The following KLHL1 variants were observed in gnomAD, a reference collection of about 807,000 sequenced individuals.
KLHL1 encodes the protein kelch like family member 1, also known as kelch-like protein 1.
KLHL1 carries 47 observed loss-of-function variants against 77.7 expected under a neutral mutation model. The observed-to-expected ratio is 0.60, with a 90% CI of 0.48 to 0.77. The LOEUF (loss-of-function observed/expected upper bound fraction) is 0.77, where lower values mean the gene tolerates loss of function less well. KLHL1 is among the 30% of genes least tolerant of loss of function. KLHL1 has a pLI of 0.00. For synonymous variants in KLHL1, 360 were observed against 325.2 expected, an observed-to-expected ratio of 1.11 and a Z score of -1.15; for missense variants, 925 against 910.8, an observed-to-expected ratio of 1.02 and a Z score of -0.20.
chr13:69,893,232 T>A (rs1212209859), intron 4 of KLHL1, among the ~76,000 whole-genome samples: 1 of 150,640 alleles, frequency 6.6e-6, no homozygotes, highest in East Asian at 1.9e-4. Context: ...ATAAATTTTT[T>A]TTTTTTTTTT....
At chr13:69,994,010 T>C (rs147802719) in intron 1 of KLHL1, among the ~76,000 whole-genome samples, 352 of 152,154 alleles carry the variant, frequency 2.3e-3, no homozygotes, top group African/African-American at 8.0e-3. Context: ...TTAGCAACAA[T>C]GGAAGTTATA....
At chr13:70,055,187 A>G (rs1886715361) in intron 1 of KLHL1, among the ~76,000 whole-genome samples, 1 of 152,104 alleles carries the variant, frequency 6.6e-6, no homozygotes, top group South Asian at 2.1e-4. Context: ...AAAGGGAGGA[A>G]ACATAAAAAG....
At chr13:69,721,481 T>C (rs1426001109) in intron 8 of KLHL1, among the ~76,000 whole-genome samples, 3 of 151,838 alleles carry the variant, frequency 2.0e-5, no homozygotes, top group Non-Finnish European at 4.4e-5. Flanking sequence ...CTCAGATATT[T>C]TGGGTTCGCA....
At chr13:70,020,569 C>T (rs1425509257) in intron 1 of KLHL1, among the ~76,000 whole-genome samples, 3 of 151,988 alleles carry the variant, frequency 2.0e-5, no homozygotes, top group Non-Finnish European at 4.4e-5. Flanking sequence ...TATCATTGGC[C>T]AACTGGGCTG....
At chr13:69,823,885 T>C (rs1041858156) in intron 6 of KLHL1, among the ~76,000 whole-genome samples, 8 of 151,960 alleles carry the variant, frequency 5.3e-5, no homozygotes, top group African/African-American at 4.8e-5. Context: ...TCCAGTGTAA[T>C]AGAGTAAATT....
At chr13:69,784,598 A>G (rs930452249) in intron 7 of KLHL1, among the ~76,000 whole-genome samples, 2 of 151,408 alleles carry the variant, frequency 1.3e-5, no homozygotes, top group Non-Finnish European at 3.0e-5. Context: ...AGGCCATTAC[A>G]TAATGATAAA....
chr13:69,812,822 C>T (rs1159983726), intron 6 of KLHL1, among the ~76,000 whole-genome samples: 4 of 149,520 alleles, frequency 2.7e-5, no homozygotes, highest in Admixed American at 2.7e-4. Context: ...AGTCAGGAAA[C>T]AACAGGTGCT....
In KLHL1 at chr13:69,906,866, A is replaced by G. The variant is rs147098299; in HGVS notation, c.1015-24371T>C. On this transcript the variant is annotated intron_variant, in intron 4 of 10. Transcript: ENST00000377844. The stretch of plus-strand genomic sequence containing the variant: ...CTGGAATAGAAAAAATATAGTTTCA[A>G]TTTTAGGTTACATTAGCAAGCTTTC... Among the ~76,000 whole-genome samples the G allele has an allele frequency of 5.8e-3, 877 of 152,078 alleles. 5 individuals are homozygous for G. The highest frequency in any genetic ancestry group is 0.02 in the African/African-American group (816 of 41,534).
At chr13:69,898,871 A>G (rs1881747689) in intron 4 of KLHL1, among the ~76,000 whole-genome samples, 1 of 152,180 alleles carries the variant, frequency 6.6e-6, no homozygotes, top group Admixed American at 6.5e-5. Context: ...CGAGGCCTGG[A>G]GACTCACCAT....
chr13:69,917,489 G>A (rs1593947841), intron 4 of KLHL1, among the ~76,000 whole-genome samples: 1 of 152,048 alleles, frequency 6.6e-6, no homozygotes, highest in African/African-American at 2.4e-5. Flanking sequence ...ATCAGATCTT[G>A]GCTTCTAAAT....
chr13:69,995,306 A>G (rs1299517534), intron 1 of KLHL1, among the ~76,000 whole-genome samples: 2 of 152,104 alleles, frequency 1.3e-5, no homozygotes, highest in Non-Finnish European at 2.9e-5. Context: ...ATACAACTCC[A>G]GAGGTAAAAA....
At chr13:69,735,309 A>C (rs1231507166) in intron 8 of KLHL1, among the ~76,000 whole-genome samples, 2 of 151,482 alleles carry the variant, frequency 1.3e-5, no homozygotes, top group Admixed American at 6.6e-5. Context: ...TTTCAATTAA[A>C]ATAGGTAGAT....
intron 7 of KLHL1, among the ~76,000 whole-genome samples, chr13:69,784,954 A>G (rs1273655802): frequency 4.1e-5 from 5 of 122,032 alleles, no homozygotes; most frequent in African/African-American, 1.6e-4. Context: ...CAGTGGTGGG[A>G]TCTCAGCTCA....
chr13:69,926,191 G>A (rs920907476), intron 4 of KLHL1, among the ~76,000 whole-genome samples: 1 of 152,162 alleles, frequency 6.6e-6, no homozygotes, highest in Non-Finnish European at 1.5e-5. Flanking sequence ...TGCAACATGT[G>A]TTTTCGTGAT....
chr13:70,028,089 TC>T (rs1214382229), intron 1 of KLHL1, among the ~76,000 whole-genome samples: 1 of 152,106 alleles, frequency 6.6e-6, no homozygotes, highest in East Asian at 1.9e-4. Context: ...AATAAATTGC[TC>T]TTTGAAGAAG....
chr13:69,730,037 C>A (rs186257511), intron 8 of KLHL1, among the ~76,000 whole-genome samples: 6 of 151,998 alleles, frequency 3.9e-5, no homozygotes, highest in African/African-American at 1.4e-4. Flanking sequence ...AATTTAAAAG[C>A]GACAGTAGAA....
In KLHL1 at chr13:69,882,304, T is replaced by C. The variant is rs776281910; in HGVS notation, c.1206A>G (p.Arg402=). 1.3e-5 allele frequency: 21 copies of C among 1,613,342 alleles called. No individual in the cohort carries two copies. The South Asian group carries it at 2.3e-4, about 18-fold the overall frequency. ...NDLSMLLAFI[R]LPLLPPQILA... ...TTACCTGTGGTGGAAGCAGTGGCAG[T>C]CTTATAAAGGCAAGAAGCATGCTCA... Residue 402 remains arginine, a synonymous_variant, in exon 5 of 11, where the codon AGA becomes AGG. Coordinates refer to ENST00000377844, the MANE Select transcript of KLHL1 (RefSeq NM_020866.3).
intron 9 of KLHL1, among the ~76,000 whole-genome samples, chr13:69,713,064 A>C (rs1875956488): frequency 6.6e-6 from 1 of 152,068 alleles, no homozygotes; most frequent in Non-Finnish European, 1.5e-5. Context: ...TCCTGGGCTC[A>C]AGTGATCCAC....
intron 4 of KLHL1, among the ~76,000 whole-genome samples, chr13:69,916,768 A>T (rs1303855335): frequency 6.6e-6 from 1 of 152,116 alleles, no homozygotes; most frequent in African/African-American, 2.4e-5. Context: ...GTGAAAAAAA[A>T]ACCACATAGT....
Sources: gnomAD v4.1 joint callset for allele counts (sites outside exome capture counted in the v4.1 genomes callset) on GRCh38, gnomAD v4.1.1 for gene constraint, MANE v1.5 for transcripts, NCBI Gene and HGNC (gene_info 2026-07-23, HGNC 2026-07-21) for gene names.